The following SLC24A2 variants were observed in gnomAD, a reference collection of about 807,000 sequenced individuals.
SLC24A2 encodes the protein sodium/potassium/calcium exchanger 2.
A neutral mutation model predicts 62.0 loss-of-function variants in SLC24A2; 36 were observed. The observed-to-expected ratio is 0.58, with a 90% CI of 0.44 to 0.77. The LOEUF is 0.77. SLC24A2 is among the 30% of genes least tolerant of loss of function. The pLI is 0.00. For synonymous variants in SLC24A2, 358 were observed against 294.0 expected (o/e 1.22, Z -2.23); for missense variants, 846 against 817.9 (o/e 1.03, Z -0.42).
chr9:20,097,883 C>T, the SLC24A2 span, among the ~76,000 whole-genome samples: 24 of 151,506 alleles, frequency 1.6e-4, no homozygotes, highest in African/African-American at 5.8e-4. Context: ...GCTGGGACTA[C>T]AGGCGCTCGA....
the SLC24A2 span, among the ~76,000 whole-genome samples, chr9:20,054,418 C>T: frequency 6.6e-6 from 1 of 152,098 alleles, no homozygotes; most frequent in African/African-American, 2.4e-5. Flanking sequence ...TCTCAAACTC[C>T]CGACCTCAAG....
chr9:20,058,118 A>G, the SLC24A2 span, among the ~76,000 whole-genome samples: 1 of 152,184 alleles, frequency 6.6e-6, no homozygotes, highest in East Asian at 1.9e-4. Context: ...TAAATGATGG[A>G]AAGAGGGCAG....
At chr9:19,637,636 C>T (rs369340156) in intron 2 of SLC24A2, among the ~76,000 whole-genome samples, 28 of 152,290 alleles carry the variant, frequency 1.8e-4, no homozygotes, top group Admixed American at 6.5e-4. Flanking sequence ...AGGCACAGTG[C>T]GTGGTGTTTT....
chr9:19,953,756 A>G, the SLC24A2 span, among the ~76,000 whole-genome samples: 15 of 152,254 alleles, frequency 9.9e-5, no homozygotes, highest in African/African-American at 2.9e-4. Context: ...GGCACTGAAC[A>G]ACTTTTAAAA....
chr9:19,625,691 C>T (rs1424684822), intron 2 of SLC24A2, among the ~76,000 whole-genome samples: 17 of 143,810 alleles, frequency 1.2e-4, no homozygotes, highest in Non-Finnish European at 1.7e-4. Context: ...TTTTTCTTTT[C>T]TTTTTTTTTT....
chr9:19,863,566 T>G, the SLC24A2 span, among the ~76,000 whole-genome samples: 2 of 152,032 alleles, frequency 1.3e-5, no homozygotes, highest in African/African-American at 4.8e-5. Context: ...AGAGGAATTT[T>G]GGAAACTATA....
chr9:19,802,903 G>C, the SLC24A2 span, among the ~76,000 whole-genome samples: 1 of 152,150 alleles, frequency 6.6e-6, no homozygotes, highest in South Asian at 2.1e-4. Context: ...CAGGTCATGA[G>C]GATGGACCCC....
chr9:19,984,263 G>A, the SLC24A2 span, among the ~76,000 whole-genome samples: 5 of 151,878 alleles, frequency 3.3e-5, no homozygotes, highest in South Asian at 2.1e-4. Context: ...ACGTAGAATT[G>A]CAAGGGGCTC....
At chr9:20,020,126 G>A in the SLC24A2 span, among the ~76,000 whole-genome samples, 2 of 152,206 alleles carry the variant, frequency 1.3e-5, no homozygotes, top group African/African-American at 2.4e-5. Flanking sequence ...GTTGGTGGCA[G>A]TGTAAATTAG....
chr9:19,932,829 C>G, the SLC24A2 span, among the ~76,000 whole-genome samples: 1 of 152,196 alleles, frequency 6.6e-6, no homozygotes, highest in African/African-American at 2.4e-5. Flanking sequence ...GAGCCATACA[C>G]CTTATGCCAC....
the SLC24A2 span, among the ~76,000 whole-genome samples, chr9:19,856,212 T>C: frequency 6.6e-6 from 1 of 152,240 alleles, no homozygotes; most frequent in African/African-American, 2.4e-5. Context: ...TTAGCTTCTT[T>C]GCATTGGGTT....
At chr9:19,652,388 A>G (rs1818827262) in intron 2 of SLC24A2, among the ~76,000 whole-genome samples, 2 of 152,104 alleles carry the variant, frequency 1.3e-5, no homozygotes, top group Admixed American at 6.6e-5. Context: ...TGAGATGGGG[A>G]AATTATTCTG....
the SLC24A2 span, among the ~76,000 whole-genome samples, chr9:19,837,482 A>AC: frequency 6.8e-6 from 1 of 146,754 alleles, no homozygotes; most frequent in Non-Finnish European, 1.5e-5. Context: ...AAAAAAAAAA[A>AC]AAAAAAAAAA....
chr9:19,545,835 C>T (rs529308800), intron 8 of SLC24A2, among the ~76,000 whole-genome samples: 28 of 152,178 alleles, frequency 1.8e-4, no homozygotes, highest in Middle Eastern at 3.4e-3. Flanking sequence ...AGACGGGTTT[C>T]ACTGTGTTAG....
chr9:19,701,593 C>T (rs1039290459), intron 2 of SLC24A2, among the ~76,000 whole-genome samples: 2 of 152,162 alleles, frequency 1.3e-5, no homozygotes, highest in African/African-American at 4.8e-5. Flanking sequence ...TGAAATAGAC[C>T]TTACTGGGCT....
the SLC24A2 span, among the ~76,000 whole-genome samples, chr9:20,113,287 C>A: frequency 1.3e-5 from 2 of 152,248 alleles, no homozygotes; most frequent in East Asian, 3.9e-4. Flanking sequence ...ATCCTGGCTG[C>A]ACCATTTACC....
the SLC24A2 span, among the ~76,000 whole-genome samples, chr9:19,970,794 A>C: frequency 6.6e-6 from 1 of 152,350 alleles, no homozygotes; most frequent in Non-Finnish European, 1.5e-5. Context: ...TGTTTAAACA[A>C]ACAGAAAAAT....
the SLC24A2 span, among the ~76,000 whole-genome samples, chr9:19,999,870 C>T: frequency 6.6e-6 from 1 of 152,178 alleles, no homozygotes; most frequent in African/African-American, 2.4e-5. Context: ...TGTTTTCAAC[C>T]TCTTCATCCG....
the SLC24A2 span, among the ~76,000 whole-genome samples, chr9:20,274,700 A>G: frequency 0.11 from 17,457 of 152,066 alleles, 2,003 homozygotes; most frequent in East Asian, 0.52. Flanking sequence ...GGCTATCTTC[A>G]CTAATTTACA....
Sources: allele counts gnomAD v4.1 joint callset (sites outside exome capture counted in the v4.1 genomes callset), GRCh38; gene constraint gnomAD v4.1.1; transcripts MANE v1.5; gene names NCBI Gene and HGNC (gene_info 2026-07-23, HGNC 2026-07-21).